The following C7orf78 variants were observed in gnomAD, a reference collection of about 807,000 sequenced individuals.
The protein encoded by C7orf78 is chromosome 7 open reading frame 78, also known as putative uncharacterized protein C7orf78.
the C7orf78 span, among the ~76,000 whole-genome samples, chr7:12,521,644 C>CT: frequency 0.092 from 11,504 of 124,716 alleles, 690 homozygotes; most frequent in Middle Eastern, 0.15. Context: ...TGGGTTTGGG[C>CT]TTTTTTTTTT....
At chr7:12,531,345 G>T in the C7orf78 span, among the ~76,000 whole-genome samples, 1 of 152,108 alleles carries the variant, frequency 6.6e-6, no homozygotes, top group Non-Finnish European at 1.5e-5. Flanking sequence ...ACCTCTCACA[G>T]CTCTCTTTAT....
chr7:12,541,946 A>C, the C7orf78 span: 85 of 152,326 alleles, frequency 5.6e-4, no homozygotes, highest in African/African-American at 1.9e-3. Flanking sequence ...AACTAGAAGG[A>C]AAGGTCTGTC....
chr7:12,525,139 A>C, the C7orf78 span, among the ~76,000 whole-genome samples: 1 of 151,816 alleles, frequency 6.6e-6, no homozygotes, highest in African/African-American at 2.4e-5. Flanking sequence ...GTGGCAGGTC[A>C]CTCATTAAGA....
At chr7:12,535,584 C>T in the C7orf78 span, among the ~76,000 whole-genome samples, 1 of 152,176 alleles carries the variant, frequency 6.6e-6, no homozygotes, top group Non-Finnish European at 1.5e-5. Context: ...CAAAACCAAT[C>T]ATGTCTTCCC....
the C7orf78 span, among the ~76,000 whole-genome samples, chr7:12,498,808 GA>G: frequency 1.3e-5 from 2 of 150,066 alleles, no homozygotes; most frequent in African/African-American, 4.9e-5. Context: ...TGAAATGAAG[GA>G]AAAAATGTTA....
chr7:12,523,234 GA>G, the C7orf78 span: 1 of 398,002 alleles, frequency 2.5e-6, no homozygotes, highest in Non-Finnish European at 4.4e-6. Flanking sequence ...AAAAAAGGAG[GA>G]AAAAAATCAG....
chr7:12,525,415 A>G, the C7orf78 span, among the ~76,000 whole-genome samples: 3 of 152,168 alleles, frequency 2.0e-5, no homozygotes, highest in Non-Finnish European at 4.4e-5. Context: ...GTTCAGCTCC[A>G]GAAAAATAAT....
chr7:12,539,749 A>G, the C7orf78 span, among the ~76,000 whole-genome samples: 1 of 152,180 alleles, frequency 6.6e-6, no homozygotes, highest in African/African-American at 2.4e-5. Context: ...TCAGGCTCAA[A>G]TCCATCTCTC....
the C7orf78 span, chr7:12,530,596 T>C: frequency 6.6e-6 from 1 of 152,630 alleles, no homozygotes; most frequent in Non-Finnish European, 1.5e-5. Context: ...AACTTTTTTT[T>C]CAGGTTTCTT....
the C7orf78 span, chr7:12,541,476 G>T: frequency 6.6e-6 from 1 of 152,056 alleles, no homozygotes; most frequent in African/African-American, 2.4e-5. Context: ...AACCAGAATT[G>T]AAGTCACTGA....
the C7orf78 span, among the ~76,000 whole-genome samples, chr7:12,518,514 C>G: frequency 1.3e-5 from 2 of 152,124 alleles, no homozygotes; most frequent in Non-Finnish European, 2.9e-5. Context: ...CTGTGATTGG[C>G]TGAGCAGACC....
the C7orf78 span, among the ~76,000 whole-genome samples, chr7:12,502,299 T>A: frequency 2.5e-5 from 3 of 120,982 alleles, no homozygotes; most frequent in African/African-American, 6.6e-5. Context: ...ACAGGCAACC[T>A]ACAAAATGGG....
At chr7:12,520,432 G>T in the C7orf78 span, among the ~76,000 whole-genome samples, 1 of 152,048 alleles carries the variant, frequency 6.6e-6, no homozygotes, top group Non-Finnish European at 1.5e-5. Flanking sequence ...TTGGTGTGTT[G>T]TATTTCCATT....
At chr7:12,533,975 AAAATAG>A in the C7orf78 span, among the ~76,000 whole-genome samples, 1 of 152,232 alleles carries the variant, frequency 6.6e-6, no homozygotes, top group Non-Finnish European at 1.5e-5. Flanking sequence ...CAGGCTTCTC[AAAATAG>A]AAATGTTTTC....
At chr7:12,533,115 T>G in the C7orf78 span, among the ~76,000 whole-genome samples, 1 of 152,206 alleles carries the variant, frequency 6.6e-6, no homozygotes, top group Non-Finnish European at 1.5e-5. Flanking sequence ...ATAACTGATG[T>G]GCTTGAGCTT....
At chr7:12,529,451 G>T in the C7orf78 span, among the ~76,000 whole-genome samples, 1 of 152,176 alleles carries the variant, frequency 6.6e-6, no homozygotes, top group African/African-American at 2.4e-5. Flanking sequence ...AGGGAATACA[G>T]TGTTGATGAA....
At chr7:12,538,691 T>C in the C7orf78 span, among the ~76,000 whole-genome samples, 38 of 152,142 alleles carry the variant, frequency 2.5e-4, no homozygotes, top group Non-Finnish European at 4.6e-4. Context: ...ACTCACAAGA[T>C]GGCTGGAGCT....
the C7orf78 span, among the ~76,000 whole-genome samples, chr7:12,496,277 T>G: frequency 6.6e-6 from 1 of 152,228 alleles, no homozygotes; most frequent in Non-Finnish European, 1.5e-5. Flanking sequence ...TTCAGAAATA[T>G]ACATTCAGAA....
chr7:12,487,436 T>C, the C7orf78 span, among the ~76,000 whole-genome samples: 1 of 152,102 alleles, frequency 6.6e-6, no homozygotes, highest in Non-Finnish European at 1.5e-5. Flanking sequence ...GTTTCTCCAG[T>C]GCCTGGCGTC....
Sources: gnomAD v4.1 joint callset for allele counts (sites outside exome capture counted in the v4.1 genomes callset) on GRCh38, gnomAD v4.1.1 for gene constraint, MANE v1.5 for transcripts, NCBI Gene and HGNC (gene_info 2026-07-23, HGNC 2026-07-21) for gene names.